AMOTL1: variants seen among roughly 807,000 people sequenced by gnomAD.
AMOTL1 encodes angiomotin-like protein 1.
Under a neutral mutation model 102.9 loss-of-function variants are expected in AMOTL1, and 45 were observed. That is an observed-to-expected ratio of 0.44 (90% CI 0.34 to 0.56). The LOEUF (loss-of-function observed/expected upper bound fraction) is 0.56, where lower values mean the gene tolerates loss of function less well. Ranked by LOEUF, AMOTL1 falls within the 20% of genes least tolerant of loss-of-function variation. The probability of loss-of-function intolerance (pLI) is 0.01; values close to 1 mark genes in which losing one functional copy is unlikely to be tolerated. For synonymous variants in AMOTL1, 481 were observed against 484.7 expected, an observed-to-expected ratio of 0.99 and a Z score of 0.10; for missense variants, 1,114 against 1,225.6, an observed-to-expected ratio of 0.91 and a Z score of 1.36.
chr11:94,788,038 C>T (rs1951221064), intron 1 of AMOTL1, among the ~76,000 whole-genome samples: 1 of 152,150 alleles, frequency 6.6e-6, no homozygotes. Flanking sequence ...GGTAGTTTAT[C>T]AACACCTTTT....
intron 3 of AMOTL1, among the ~76,000 whole-genome samples, chr11:94,806,213 G>A (rs1215579537): frequency 6.6e-6 from 1 of 152,244 alleles, no homozygotes. Context: ...CAGCCCAGCA[G>A]TGCAGCAAGT....
rs2135750401 is a variant in AMOTL1, at chr11:94,872,174, G to C, written c.*1379G>C. On this transcript the variant is annotated 3_prime_UTR_variant, in exon 13 of 13. Coordinates refer to ENST00000433060, the MANE Select transcript of AMOTL1 (RefSeq NM_130847.3). ...CGGAAAAGAGGCAGGAGTGTGTTAG[G>C]TGGTGGGTCCATTAGACCTCTGCTG... The C allele has an allele frequency of 6.6e-6, 1 of 152,308 alleles. No individual in the cohort carries two copies. The highest frequency in any genetic ancestry group is 2.1e-4 in the South Asian group (1 of 4,816). The allele number at this position is 152,308 out of a possible 1,614,324, so 9.4% of individuals were successfully genotyped here. A position where few individuals can be genotyped will look rare whatever the true frequency, so the allele number is the denominator to read the frequency against.
At chr11:94,733,189 C>G (rs974983) in intron 2 of AMOTL1, among the ~76,000 whole-genome samples, 1 of 152,114 alleles carries the variant, frequency 6.6e-6, no homozygotes, top group African/African-American at 2.4e-5. Flanking sequence ...ATCCATTTTA[C>G]TCCTGTCTGT....
At chr11:94,780,667 G>T (rs1054672724) in intron 1 of AMOTL1, among the ~76,000 whole-genome samples, 1 of 152,036 alleles carries the variant, frequency 6.6e-6, no homozygotes, top group Admixed American at 6.6e-5. Context: ...AAAATTTACC[G>T]AGCACTTCCT....
intron 3 of AMOTL1, among the ~76,000 whole-genome samples, chr11:94,744,034 C>T (rs1024143266): frequency 2.6e-5 from 4 of 152,118 alleles, no homozygotes; most frequent in Admixed American, 2.0e-4. Flanking sequence ...ATTTTGCAGC[C>T]ACCAACCAGA....
chr11:94,824,785 A>G (rs947141409), intron 4 of AMOTL1, among the ~76,000 whole-genome samples: 6 of 152,226 alleles, frequency 3.9e-5, no homozygotes, highest in African/African-American at 1.4e-4. Flanking sequence ...TGACCCCGCT[A>G]TGCCCACAGT....
chr11:94,869,583 C>A, intron 12 of AMOTL1, 110 bp downstream of exon 12: 1 of 1,269,636 alleles, frequency 7.9e-7, no homozygotes, highest in Non-Finnish European at 1.1e-6. Context: ...AGCTCTTACT[C>A]TATGGGGATG....
chr11:94,790,212 TAAG>T (rs1478932356), intron 1 of AMOTL1, among the ~76,000 whole-genome samples: 1 of 152,218 alleles, frequency 6.6e-6, no homozygotes, highest in Non-Finnish European at 1.5e-5. Flanking sequence ...CAGCACGTAG[TAAG>T]AAGCATATGT....
At position 94,709,255 on chromosome 11, in the gene AMOTL1, C is replaced by T. The variant is rs563244284; in HGVS notation, c.-51+2658C>T. The stretch of plus-strand genomic sequence containing the variant: ...AGGCAACATTCTGGGACAACCATTG[C>T]TAGGTTCTATGAAGGTTTACATCTT... On this transcript the variant is annotated intron_variant, in intron 1 of 4. Coordinates refer to the AMOTL1 transcript ENST00000299004. Among the ~76,000 whole-genome samples, 109 of 152,218 alleles carry T rather than the reference C, an allele frequency of 7.2e-4. 2 individuals carry two copies. Among genetic ancestry groups the T allele is most frequent in the South Asian group, 1.5e-3 (7 of 4,816 alleles).
chr11:94,729,544 C>T (rs1950313684), intron 2 of AMOTL1, among the ~76,000 whole-genome samples: 1 of 152,150 alleles, frequency 6.6e-6, no homozygotes, highest in Admixed American at 6.5e-5. Flanking sequence ...TGTGACTCAG[C>T]ATTAAATGAT....
chr11:94,775,980 A>T (rs943553583), intron 1 of AMOTL1, among the ~76,000 whole-genome samples: 1 of 152,200 alleles, frequency 6.6e-6, no homozygotes, highest in African/African-American at 2.4e-5. Flanking sequence ...GTTTCTAGGG[A>T]TGTTCCACTC....
intron 4 of AMOTL1, among the ~76,000 whole-genome samples, chr11:94,827,752 G>A (rs1485258138): frequency 6.6e-6 from 1 of 152,182 alleles, no homozygotes; most frequent in East Asian, 1.9e-4. Flanking sequence ...CTAAGCAGAA[G>A]CCCCCGTGCT....
Position 94,745,756 on chromosome 11 carries a change from TTTA to T in AMOTL1, c.136+4780_136+4782del, listed in dbSNP as rs1238561850. On this transcript the variant is annotated intron_variant, in intron 3 of 4. Coordinates refer to the AMOTL1 transcript ENST00000299004. The stretch of plus-strand genomic sequence containing the variant: ...TCAGGAAGTGCTTTTATTTTATTGT[TTTA>T]TTATTATTATTCATTTAAAACATAC... Among the ~76,000 whole-genome samples the T allele has an allele frequency of 3.9e-5, 6 of 152,256 alleles. No individual in the cohort carries two copies. The South Asian group carries it at 8.3e-4, about 21-fold the overall frequency.
chr11:94,753,616 A>G (rs1299785295), intron 3 of AMOTL1, among the ~76,000 whole-genome samples: 1 of 152,184 alleles, frequency 6.6e-6, no homozygotes, highest in Non-Finnish European at 1.5e-5. Flanking sequence ...GACAAGTTAA[A>G]TAACTTGCCA....
chr11:94,766,454 A>G (rs1226505913), upstream of AMOTL1, among the ~76,000 whole-genome samples: 1 of 152,232 alleles, frequency 6.6e-6, no homozygotes, highest in African/African-American at 2.4e-5. Flanking sequence ...GCTGCAACTC[A>G]GCTCATGCCT....
chr11:94,793,973 A>G (rs1264068526), intron 1 of AMOTL1, among the ~76,000 whole-genome samples: 2 of 152,238 alleles, frequency 1.3e-5, no homozygotes, highest in Non-Finnish European at 2.9e-5. Flanking sequence ...CAGGAAGGAG[A>G]TGAGGACATT....
Position 94,866,440 on chromosome 11 carries a change from C to T in AMOTL1, c.2488+272C>T, listed in dbSNP as rs75719035. On this transcript the variant is annotated intron_variant, in intron 11 of 12. Transcript: ENST00000433060. ...TTGTAAGTTGAGGTGACCCTTATAACACAAAAGGCTCTCATAGAAAAGCCT... is the reference window on the plus strand; with the variant it reads ...TTGTAAGTTGAGGTGACCCTTATAATACAAAAGGCTCTCATAGAAAAGCCT... 366 of 456,126 alleles carry T rather than the reference C, an allele frequency of 8.0e-4. 3 individuals are homozygous for T. In the East Asian group the frequency reaches 0.015, roughly 19 times the overall value. 28.3% of individuals were successfully genotyped at this position (456,126 alleles called of 1,614,324 possible). A position where few individuals can be genotyped will look rare whatever the true frequency, so the allele number is the denominator to read the frequency against.
At chr11:94,824,774 A>T (rs1339389087) in intron 4 of AMOTL1, among the ~76,000 whole-genome samples, 1 of 152,210 alleles carries the variant, frequency 6.6e-6, no homozygotes, top group Non-Finnish European at 1.5e-5. Context: ...CTTGTAGGAT[A>T]TGACCCCGCT....
intron 3 of AMOTL1, among the ~76,000 whole-genome samples, chr11:94,800,662 G>A (rs750248724): frequency 3.9e-5 from 6 of 152,128 alleles, no homozygotes; most frequent in South Asian, 2.1e-4. Flanking sequence ...ATTACCAGAG[G>A]GTTTTATAGT....
Sources: gnomAD v4.1 joint callset for allele counts (sites outside exome capture counted in the v4.1 genomes callset) on GRCh38, gnomAD v4.1.1 for gene constraint, MANE v1.5 for transcripts, NCBI Gene and HGNC (gene_info 2026-07-23, HGNC 2026-07-21) for gene names.